WASL: variants seen among roughly 807,000 people sequenced by gnomAD.
WASL encodes actin nucleation-promoting factor WASL.
Under a neutral mutation model 55.5 loss-of-function variants are expected in WASL, and 20 were observed. That is an observed-to-expected ratio of 0.36 (90% CI 0.25 to 0.52). The LOEUF is 0.52. Among genes scored for constraint, WASL ranks in the 20% least tolerant of loss-of-function variants. The pLI, the probability that WASL is intolerant of heterozygous loss-of-function variation, is 0.92. For missense variants in WASL, 504 were observed against 622.5 expected, an observed-to-expected ratio of 0.81 and a Z score of 2.03; for synonymous variants, 249 against 217.6, an observed-to-expected ratio of 1.14 and a Z score of -1.27.
intron 1 of WASL, among the ~76,000 whole-genome samples, chr7:123,737,596 C>CAAA (rs34669724): frequency 0.012 from 849 of 72,776 alleles, 22 homozygotes; most frequent in African/African-American, 0.039. Context: ...CTCCGTCTCC[C>CAAA]AAAAAAAAAA....
chr7:123,741,069 G>A (rs1055724116), intron 1 of WASL, among the ~76,000 whole-genome samples: 7 of 152,102 alleles, frequency 4.6e-5, no homozygotes, highest in Admixed American at 2.0e-4. Context: ...GCAAGTGTGC[G>A]AGTGAGTTGT....
At chr7:123,711,058 T>C (rs988537981) in intron 1 of WASL, among the ~76,000 whole-genome samples, 9 of 152,124 alleles carry the variant, frequency 5.9e-5, no homozygotes, top group African/African-American at 2.2e-4. Flanking sequence ...ATTAGGAAAC[T>C]AGATGTACCA....
intron 1 of WASL, among the ~76,000 whole-genome samples, chr7:123,745,809 T>C (rs1220277899): frequency 6.6e-6 from 1 of 151,998 alleles, no homozygotes; most frequent in Non-Finnish European, 1.5e-5. Flanking sequence ...CCTAACAAAC[T>C]TATTAGTAGG....
chr7:123,700,343 G>A (rs971705000), intron 5 of WASL, among the ~76,000 whole-genome samples: 3 of 151,952 alleles, frequency 2.0e-5, no homozygotes, highest in African/African-American at 7.3e-5. Context: ...GACAGTAAGA[G>A]TCAGGTGATC....
chr7:123,705,080 T>C (rs569364585), intron 4 of WASL, among the ~76,000 whole-genome samples: 1 of 152,246 alleles, frequency 6.6e-6, no homozygotes, highest in African/African-American at 2.4e-5. Context: ...GGCTACTGTA[T>C]AGAAAAGAGA....
chr7:123,698,134 T>C (rs980317153), intron 5 of WASL, among the ~76,000 whole-genome samples: 3 of 152,084 alleles, frequency 2.0e-5, no homozygotes, highest in East Asian at 3.8e-4. Flanking sequence ...TTCACTGTAA[T>C]AAATGTTTGC....
At chr7:123,698,057 G>A (rs886386875) in intron 5 of WASL, among the ~76,000 whole-genome samples, 2 of 150,412 alleles carry the variant, frequency 1.3e-5, no homozygotes, top group Non-Finnish European at 3.0e-5. Context: ...ACTTGTGTGT[G>A]GTTTTTTTTT....
intron 1 of WASL, among the ~76,000 whole-genome samples, chr7:123,710,061 A>G (rs1380804559): frequency 6.6e-6 from 1 of 152,154 alleles, no homozygotes; most frequent in Non-Finnish European, 1.5e-5. Flanking sequence ...AGACTATATC[A>G]TGAAAAGGTG....
intron 1 of WASL, among the ~76,000 whole-genome samples, chr7:123,735,409 T>C (rs995285386): frequency 2.1e-5 from 3 of 146,252 alleles, no homozygotes; most frequent in Non-Finnish European, 4.5e-5. Flanking sequence ...AAAAGACCCA[T>C]AGTGAAAATA....
chr7:123,720,101 C>T (rs1803915790), intron 1 of WASL, among the ~76,000 whole-genome samples: 2 of 152,116 alleles, frequency 1.3e-5, no homozygotes, highest in Non-Finnish European at 2.9e-5. Context: ...TTCCCAACAA[C>T]CAGTTTATCA....
At position 123,748,781 on chromosome 7, in the gene WASL, G is replaced by A. The variant is rs372284645; in HGVS notation, c.-47C>T. 4 of 1,460,280 alleles carry A rather than the reference G, an allele frequency of 2.7e-6. No homozygotes were observed. The highest frequency in any genetic ancestry group is 2.7e-6 in the Non-Finnish European group (3 of 1,094,672). The allele number at this position is 1,460,280 out of a possible 1,614,324, so 90.5% of individuals were successfully genotyped here. A position where few individuals can be genotyped will look rare whatever the true frequency, so the allele number is the denominator to read the frequency against. On this transcript the variant is annotated 5_prime_UTR_variant, in exon 1 of 11. Coordinates refer to ENST00000223023, the MANE Select transcript of WASL (RefSeq NM_003941.4). The stretch of plus-strand genomic sequence containing the variant: ...AGTCCAGGGCCGTCTCCTCCGGCGA[G>A]TGGGCGAGAGCTCGTTCCCCCTCTC...
At chr7:123,745,386 T>C (rs1804414776) in intron 1 of WASL, among the ~76,000 whole-genome samples, 1 of 152,160 alleles carries the variant, frequency 6.6e-6, no homozygotes, top group African/African-American at 2.4e-5. Flanking sequence ...CATTAAATAG[T>C]GCAATACTTC....
intron 1 of WASL, among the ~76,000 whole-genome samples, chr7:123,739,906 GTGTGTGTGTA>G (rs774706918): frequency 6.5e-3 from 195 of 29,858 alleles, no homozygotes; most frequent in Middle Eastern, 0.016. Context: ...GTGTGTGTGT[GTGTGTGTGTA>G]TATATATATA....
chr7:123,689,688 G>A (rs750425759), intron 9 of WASL, among the ~76,000 whole-genome samples: 1 of 151,596 alleles, frequency 6.6e-6, no homozygotes, highest in African/African-American at 2.4e-5. Context: ...TCTTTTTAAG[G>A]AGATGAGTTG....
intron 5 of WASL, 144 bp downstream of exon 5, chr7:123,704,490 A>C: frequency 1.7e-6 from 1 of 573,016 alleles, no homozygotes. Flanking sequence ...GATACTAAAC[A>C]TTACTTACTA....
At chr7:123,715,652 G>T (rs1281215725) in intron 1 of WASL, among the ~76,000 whole-genome samples, 1 of 152,068 alleles carries the variant, frequency 6.6e-6, no homozygotes, top group Non-Finnish European at 1.5e-5. Flanking sequence ...TTCCTGTTTG[G>T]AACCATTTAA....
intron 1 of WASL, among the ~76,000 whole-genome samples, chr7:123,731,019 C>A (rs917208475): frequency 6.6e-6 from 1 of 151,912 alleles, no homozygotes; most frequent in South Asian, 2.1e-4. Context: ...AATGAAGACA[C>A]CCATTTTAAA....
chr7:123,740,031 C>T (rs1397757193), intron 1 of WASL, among the ~76,000 whole-genome samples: 6 of 151,922 alleles, frequency 3.9e-5, no homozygotes, highest in African/African-American at 1.5e-4. Flanking sequence ...TTACTGCTCC[C>T]TCATATTCCA....
intron 5 of WASL, among the ~76,000 whole-genome samples, chr7:123,702,837 C>A (rs1270730735): frequency 1.3e-5 from 2 of 152,074 alleles, no homozygotes; most frequent in Non-Finnish European, 2.9e-5. Context: ...ATGGGGGGAT[C>A]CTGGAACTGA....
Sources: gnomAD v4.1 joint callset for allele counts (sites outside exome capture counted in the v4.1 genomes callset) on GRCh38, gnomAD v4.1.1 for gene constraint, MANE v1.5 for transcripts, NCBI Gene and HGNC (gene_info 2026-07-23, HGNC 2026-07-21) for gene names.